The following SMUG1 variants were observed in gnomAD, a reference collection of about 807,000 sequenced individuals.
SMUG1 encodes the protein single-strand selective monofunctional uracil DNA glycosylase.
Under a neutral mutation model 23.9 loss-of-function variants are expected in SMUG1, and 13 were observed. The observed-to-expected ratio is 0.54, with a 90% CI of 0.35 to 0.86. The LOEUF (loss-of-function observed/expected upper bound fraction) is 0.86. Among genes scored for constraint, SMUG1 ranks in the 40% least tolerant of loss-of-function variants. The pLI is 0.01. For missense variants in SMUG1, 313 were observed against 339.5 expected (o/e 0.92, Z 0.61); for synonymous variants, 133 against 139.8 (o/e 0.95, Z 0.34).
At chr12:54,163,875 A>C (rs2136530445), downstream of SMUG1, among the ~76,000 whole-genome samples, 1 of 152,370 alleles carries the variant, frequency 6.6e-6, no homozygotes, top group East Asian at 1.9e-4. Context: ...TGTTCATTAA[A>C]TTTTAGTCTT....
At chr12:54,174,921 T>C (rs1332057241) in intron 2 of SMUG1, 1 of 152,238 alleles carries the variant, frequency 6.6e-6, no homozygotes, top group Non-Finnish European at 1.5e-5. Flanking sequence ...AAATACATTA[T>C]AATTCAACCT....
At chr12:54,175,985 G>T (rs1047870689), downstream of SMUG1, among the ~76,000 whole-genome samples, 2 of 151,748 alleles carry the variant, frequency 1.3e-5, no homozygotes, top group African/African-American at 4.8e-5. Context: ...CCAGCACTTT[G>T]GGAGGCCAAG....
At chr12:54,185,372 C>A (rs899705948) in intron 2 of SMUG1, among the ~76,000 whole-genome samples, 1 of 150,988 alleles carries the variant, frequency 6.6e-6, no homozygotes, top group Non-Finnish European at 1.5e-5. Flanking sequence ...GAGGCTGAGG[C>A]AGGGAGAACT....
At chr12:54,167,796 CA>C (rs2136537703) in intron 3 of SMUG1, among the ~76,000 whole-genome samples, 1 of 152,278 alleles carries the variant, frequency 6.6e-6, no homozygotes, top group African/African-American at 2.4e-5. Flanking sequence ...ATGACCTCTC[CA>C]CCACTTTCCA....
Position 54,182,570 on chromosome 12 carries a change from A to G in SMUG1, c.339T>C (p.Pro113=), listed in dbSNP as rs1592377414. The G allele has an allele frequency of 1.8e-5, 29 of 1,613,984 alleles. No homozygotes were observed. The East Asian group carries it at 6.2e-4, about 35-fold the overall frequency. ...MVRDWLGIVG[P]VLTPPQEHPK... ...GATGCTCTTGGGGAGGGGTCAGCAC[A>G]GGCCCCACAATGCCCAACCAGTCCC... is the stretch of plus-strand genomic sequence containing the variant. Residue 113 remains proline, a synonymous_variant, in exon 4 of 4, where the codon CCT becomes CCC. Transcript: ENST00000682136.
At chr12:54,185,482 TAAA>T (rs1233966763) in intron 2 of SMUG1, among the ~76,000 whole-genome samples, 3 of 55,506 alleles carry the variant, frequency 5.4e-5, no homozygotes, top group Admixed American at 2.3e-4. Flanking sequence ...AAAAATAAAA[TAAA>T]AAATAAATAA....
At chr12:54,159,769 T>C (rs1186493963), downstream of SMUG1, among the ~76,000 whole-genome samples, 4 of 152,088 alleles carry the variant, frequency 2.6e-5, no homozygotes, top group Admixed American at 1.3e-4. Context: ...TTTGTCTAAT[T>C]GTCTGCACTA....
chr12:54,159,567 T>C (rs1940174763), intron 4 of SMUG1, among the ~76,000 whole-genome samples: 1 of 152,214 alleles, frequency 6.6e-6, no homozygotes, highest in Admixed American at 6.5e-5. Context: ...CAATGTCATT[T>C]ATCTATGTGT....
At chr12:54,172,626 C>G (rs1216340782) in intron 2 of SMUG1, among the ~76,000 whole-genome samples, 2 of 152,228 alleles carry the variant, frequency 1.3e-5, no homozygotes, top group Non-Finnish European at 2.9e-5. Flanking sequence ...CCATCTGCAT[C>G]CTAACCTCAA....
rs1322374806 is a variant in SMUG1, at chr12:54,180,724, T to G, written c.*1372A>C. ...GTAAGGCAATTGGAGATCTGCTACA[T>G]CCAGCCAGGCAGCAGCACTTTGGGA... On this transcript the variant is annotated 3_prime_UTR_variant, in exon 4 of 4. Coordinates refer to ENST00000682136, the MANE Select transcript of SMUG1 (RefSeq NM_001243787.2). The G allele has an allele frequency of 6.6e-6, 1 of 152,198 alleles. No homozygotes were observed. Among genetic ancestry groups the G allele is most frequent in the African/African-American group, 2.4e-5 (1 of 41,410 alleles). 9.4% of individuals were successfully genotyped at this position (152,198 alleles called of 1,614,324 possible).
At chr12:54,162,509 G>A (rs1592334388), downstream of SMUG1, 2 of 152,298 alleles carry the variant, frequency 1.3e-5, no homozygotes, top group South Asian at 4.1e-4. Flanking sequence ...CCACATGTAT[G>A]GGATGGGTTT....
In SMUG1 at chr12:54,181,692, G is replaced by A; in HGVS notation, c.*404C>T. 6.4e-7 allele frequency: 1 copy of A among 1,572,200 alleles called. No homozygotes were observed. Among genetic ancestry groups the A allele is most frequent in the Non-Finnish European group, 8.6e-7 (1 of 1,165,396 alleles). ...CTAAAGGTAACTGTTCTATAAGGATGGGTAGGTATCCTGGCAAGATATTTC... is the reference window on the plus strand; with the variant it reads ...CTAAAGGTAACTGTTCTATAAGGATAGGTAGGTATCCTGGCAAGATATTTC... On this transcript the variant is annotated 3_prime_UTR_variant, in exon 4 of 4. Coordinates refer to ENST00000682136, the MANE Select transcript of SMUG1 (RefSeq NM_001243787.2).
At chr12:54,159,321 G>C (rs12322894) in intron 4 of SMUG1, among the ~76,000 whole-genome samples, 1 of 152,108 alleles carries the variant, frequency 6.6e-6, no homozygotes, top group Admixed American at 6.5e-5. Flanking sequence ...AGCTGCCACA[G>C]AGCGGGAGGG....
At chr12:54,179,165 C>G (rs547101780), downstream of SMUG1, among the ~76,000 whole-genome samples, 9 of 152,212 alleles carry the variant, frequency 5.9e-5, no homozygotes, top group Non-Finnish European at 1.2e-4. Flanking sequence ...ATTTGGGACT[C>G]GGACTGAGCC....
At chr12:54,167,237 C>G (rs1469361953) in intron 3 of SMUG1, among the ~76,000 whole-genome samples, 1 of 152,162 alleles carries the variant, frequency 6.6e-6, no homozygotes, top group Admixed American at 6.5e-5. Context: ...TCTCCCTTGC[C>G]TGAGGCATAG....
At chr12:54,176,405 G>T (rs141679393), downstream of SMUG1, among the ~76,000 whole-genome samples, 32 of 149,844 alleles carry the variant, frequency 2.1e-4, 1 homozygote, top group African/African-American at 6.2e-4. Flanking sequence ...CCAGCTACTC[G>T]GGAGGCTGAG....
At position 54,188,098 on chromosome 12, in the gene SMUG1, A is replaced by T. The variant is rs543170568; in HGVS notation, c.-103-196T>A. Among the ~76,000 whole-genome samples the T allele has an allele frequency of 4.6e-5, 7 of 151,908 alleles. No individual in the cohort carries two copies. In the South Asian group the frequency reaches 1.5e-3, roughly 32 times the overall value. ...ACTACATTAAGCACAAAGACAGCGGAGTTGGACCAAGCGATAAGGCTGACC... is the reference window on the plus strand; with the variant it reads ...ACTACATTAAGCACAAAGACAGCGGTGTTGGACCAAGCGATAAGGCTGACC... On this transcript the variant is annotated intron_variant, in intron 1 of 3. Coordinates refer to ENST00000682136, the MANE Select transcript of SMUG1 (RefSeq NM_001243787.2).
downstream of SMUG1, among the ~76,000 whole-genome samples, chr12:54,177,879 A>G (rs1460710596): frequency 6.6e-6 from 1 of 152,180 alleles, no homozygotes; most frequent in Non-Finnish European, 1.5e-5. Context: ...AAGCAGTGAC[A>G]TGACTTTGTG....
chr12:54,188,295 A>AATAATAATAAATAATAATAAT (rs869289712), intron 1 of SMUG1, among the ~76,000 whole-genome samples: 2 of 68,894 alleles, frequency 2.9e-5, no homozygotes, highest in African/African-American at 8.9e-5. Flanking sequence ...TAATAATAAT[A>AATAATAATAAATAATAATAAT]AATAATAATA....
Sources: allele counts gnomAD v4.1 joint callset (sites outside exome capture counted in the v4.1 genomes callset), GRCh38; gene constraint gnomAD v4.1.1; transcripts MANE v1.5; gene names NCBI Gene and HGNC (gene_info 2026-07-23, HGNC 2026-07-21).